The following CFAP95 variants were observed in gnomAD, a reference collection of about 807,000 sequenced individuals.
CFAP95 encodes the protein cilia- and flagella-associated protein 95.
chr9:69,883,953 T>A, the CFAP95 span, among the ~76,000 whole-genome samples: 2 of 152,198 alleles, frequency 1.3e-5, no homozygotes, highest in Non-Finnish European at 2.9e-5. Flanking sequence ...GCTTTTCTAG[T>A]TCTTTAAGAT....
the CFAP95 span, among the ~76,000 whole-genome samples, chr9:69,877,681 A>G: frequency 0.59 from 90,157 of 152,018 alleles, 27,177 homozygotes; most frequent in East Asian, 0.82. Flanking sequence ...TATAATTTGT[A>G]GATTCTCTTG....
At chr9:69,847,249 C>G in the CFAP95 span, among the ~76,000 whole-genome samples, 1 of 152,202 alleles carries the variant, frequency 6.6e-6, no homozygotes, top group South Asian at 2.1e-4. Context: ...GCAATAGGAT[C>G]AATTCAACAA....
the CFAP95 span, chr9:69,858,216 C>T: frequency 6.1e-6 from 3 of 493,236 alleles, no homozygotes; most frequent in Admixed American, 1.0e-4. Context: ...TTTTTCTTCT[C>T]TGTAAAATTT....
the CFAP95 span, among the ~76,000 whole-genome samples, chr9:69,878,923 C>T: frequency 1.3e-3 from 203 of 152,196 alleles, 3 homozygotes; most frequent in South Asian, 0.011. Context: ...GCAGGCACAT[C>T]GCATGGCAGA....
chr9:69,882,720 C>A, the CFAP95 span, among the ~76,000 whole-genome samples: 1 of 152,142 alleles, frequency 6.6e-6, no homozygotes, highest in Admixed American at 6.5e-5. Flanking sequence ...TAATTTTTAT[C>A]CTTCATTCTG....
the CFAP95 span, among the ~76,000 whole-genome samples, chr9:69,902,545 G>A: frequency 6.6e-6 from 1 of 152,166 alleles, no homozygotes; most frequent in African/African-American, 2.4e-5. Context: ...TAATTTTCCA[G>A]TTATTACCCG....
chr9:69,826,724 G>C, the CFAP95 span, among the ~76,000 whole-genome samples: 1 of 152,176 alleles, frequency 6.6e-6, no homozygotes, highest in Non-Finnish European at 1.5e-5. Flanking sequence ...AGGCTTTAAA[G>C]GGGCTTTTGG....
At chr9:69,823,719 A>G in the CFAP95 span, among the ~76,000 whole-genome samples, 4 of 152,088 alleles carry the variant, frequency 2.6e-5, no homozygotes, top group Admixed American at 6.5e-5. Context: ...CTGAAAAGAG[A>G]GTCAGTGAAG....
the CFAP95 span, among the ~76,000 whole-genome samples, chr9:69,821,480 G>A: frequency 6.6e-6 from 1 of 152,106 alleles, no homozygotes; most frequent in African/African-American, 2.4e-5. Context: ...GCTGTCAGAG[G>A]CCTGGAAATC....
chr9:69,893,707 G>A, the CFAP95 span, among the ~76,000 whole-genome samples: 1 of 152,056 alleles, frequency 6.6e-6, no homozygotes, highest in Non-Finnish European at 1.5e-5. Context: ...TCTAAAGTGT[G>A]GTTTTTCCAA....
chr9:69,888,827 G>T, the CFAP95 span, among the ~76,000 whole-genome samples: 1 of 151,830 alleles, frequency 6.6e-6, no homozygotes, highest in Non-Finnish European at 1.5e-5. Flanking sequence ...GCAGTGAGCA[G>T]AGATTGTGCC....
the CFAP95 span, among the ~76,000 whole-genome samples, chr9:69,892,464 G>A: frequency 6.6e-6 from 1 of 152,204 alleles, no homozygotes; most frequent in African/African-American, 2.4e-5. Context: ...ATTGTTTAAT[G>A]AGGCTCTTTC....
chr9:69,892,072 TA>T, the CFAP95 span, among the ~76,000 whole-genome samples: 1 of 152,234 alleles, frequency 6.6e-6, no homozygotes, highest in African/African-American at 2.4e-5. Context: ...CGCATTTTTT[TA>T]TTGTGGTAAA....
At chr9:69,824,424 G>GC in the CFAP95 span, among the ~76,000 whole-genome samples, 141,985 of 152,228 alleles carry the variant, frequency 0.93, 66,689 homozygotes, top group East Asian at 1. Context: ...TCTCAGAGCG[G>GC]AAAAAAGGCA....
the CFAP95 span, among the ~76,000 whole-genome samples, chr9:69,849,201 G>A: frequency 2.0e-5 from 3 of 152,150 alleles, no homozygotes; most frequent in Non-Finnish European, 4.4e-5. Context: ...TGAAAGTGGG[G>A]AGTTTGGTCT....
At chr9:69,825,026 G>A in the CFAP95 span, among the ~76,000 whole-genome samples, 2 of 152,100 alleles carry the variant, frequency 1.3e-5, no homozygotes, top group East Asian at 3.8e-4. Context: ...TAAAATTCAG[G>A]TTGTGTAAAA....
At chr9:69,820,880 A>G in the CFAP95 span, 6 of 1,613,962 alleles carry the variant, frequency 3.7e-6, no homozygotes, top group African/African-American at 1.3e-5. Context: ...GAGGGCTCCC[A>G]TGGATAGCCT....
chr9:69,899,535 A>G, the CFAP95 span, among the ~76,000 whole-genome samples: 1 of 152,218 alleles, frequency 6.6e-6, no homozygotes, highest in Non-Finnish European at 1.5e-5. Context: ...TGCAGAGAAG[A>G]GCTAACATAG....
the CFAP95 span, chr9:69,844,552 A>T: frequency 1.2e-6 from 2 of 1,612,514 alleles, no homozygotes; most frequent in Non-Finnish European, 1.7e-6. Flanking sequence ...AAAGGTTATG[A>T]TATAGAGGGT....
Sources: allele counts gnomAD v4.1 joint callset (sites outside exome capture counted in the v4.1 genomes callset), GRCh38; gene constraint gnomAD v4.1.1; transcripts MANE v1.5; gene names NCBI Gene and HGNC (gene_info 2026-07-23, HGNC 2026-07-21).